ITGB3BP: variants seen among roughly 807,000 people sequenced by gnomAD.
ITGB3BP encodes the protein centromere protein R.
Under a neutral mutation model 29.1 loss-of-function variants are expected in ITGB3BP, and 27 were observed. The ratio of observed to expected loss-of-function variants is 0.93; its 90% CI spans 0.68 to 1.28. The LOEUF (loss-of-function observed/expected upper bound fraction) is 1.28, where lower values mean the gene tolerates loss of function less well. ITGB3BP is among the 50% of genes most tolerant of loss of function. ITGB3BP has a pLI of 0.00. For missense variants in ITGB3BP, 192 were observed against 200.2 expected (o/e 0.96, Z 0.25); for synonymous variants, 61 against 61.4 (o/e 0.99, Z 0.03).
chr1:63,512,403 A>AG (rs1029353827), intron 1 of ITGB3BP, among the ~76,000 whole-genome samples: 8 of 152,220 alleles, frequency 5.3e-5, no homozygotes, highest in South Asian at 4.1e-4. Flanking sequence ...AAATTATTCT[A>AG]GGAAAAAAAA....
intron 1 of ITGB3BP, among the ~76,000 whole-genome samples, chr1:63,511,606 TA>T (rs925751030): frequency 5.9e-5 from 9 of 151,920 alleles, no homozygotes; most frequent in Admixed American, 3.9e-4. Flanking sequence ...TATTCAGCTT[TA>T]AAAAAAAGAA....
At chr1:63,493,092 G>GCGCGCGCA (rs760115717) in intron 2 of ITGB3BP, among the ~76,000 whole-genome samples, 4 of 55,790 alleles carry the variant, frequency 7.2e-5, no homozygotes, top group East Asian at 1.4e-3. Flanking sequence ...ACACACACGC[G>GCGCGCGCA]CGCGCGCGCA....
chr1:63,440,862 T>A lies in ITGB3BP; in HGVS notation c.*243A>T, dbSNP rs1644720986. On this transcript the variant is annotated 3_prime_UTR_variant, in exon 9 of 9. Coordinates refer to ENST00000271002, the MANE Select transcript of ITGB3BP (RefSeq NM_014288.5). Reference sequence around the variant, plus strand: ...TACAGAATATAAGTCAAGATCTTCCTCTCCATGTTGGCTTACATTAAAGAG... The same window carrying A: ...TACAGAATATAAGTCAAGATCTTCCACTCCATGTTGGCTTACATTAAAGAG... 6.6e-6 allele frequency: 1 copy of A among 152,636 alleles called. No homozygotes were observed. Among genetic ancestry groups the A allele is most frequent in the South Asian group, 2.1e-4 (1 of 4,830 alleles). The allele number at this position is 152,636 out of a possible 1,614,324, so 9.5% of individuals were successfully genotyped here. A position where few individuals can be genotyped will look rare whatever the true frequency, so the allele number is the denominator to read the frequency against.
In ITGB3BP at chr1:63,496,105, T is replaced by TTC. The variant is rs560042676; in HGVS notation, c.49-5888_49-5887insGA. ...TCTGGGCCACTACAATTTTTTTTTTTTTTTTGAGACACAGTCTGGCTCTGT... is the reference window on the plus strand; with the variant it reads ...TCTGGGCCACTACAATTTTTTTTTTTTCTTTTTGAGACACAGTCTGGCTCTGT... On this transcript the variant is annotated intron_variant, in intron 2 of 8. Coordinates refer to ENST00000271002, the MANE Select transcript of ITGB3BP (RefSeq NM_014288.5). Among the ~76,000 whole-genome samples, 594 of 152,012 alleles carry TTC rather than the reference T, an allele frequency of 3.9e-3. 4 individuals are homozygous for TTC. The highest frequency in any genetic ancestry group is 0.013 in the African/African-American group (543 of 41,408).
chr1:63,526,081 T>C (rs1646584186), upstream of ITGB3BP, among the ~76,000 whole-genome samples: 1 of 152,186 alleles, frequency 6.6e-6, no homozygotes, highest in Non-Finnish European at 1.5e-5. Flanking sequence ...GCCTCTTAAG[T>C]CACTAGCCTG....
intron 2 of ITGB3BP, among the ~76,000 whole-genome samples, chr1:63,494,382 G>C (rs1391687788): frequency 6.6e-6 from 1 of 152,204 alleles, no homozygotes; most frequent in Non-Finnish European, 1.5e-5. Flanking sequence ...GCTTCCCAAA[G>C]TGCTGGGATT....
chr1:63,497,232 G>A (rs938177280), intron 2 of ITGB3BP, among the ~76,000 whole-genome samples: 4 of 152,088 alleles, frequency 2.6e-5, no homozygotes, highest in Non-Finnish European at 4.4e-5. Flanking sequence ...TTGAGTCGAG[G>A]AGTTCGAGGC....
chr1:63,476,216 T>C (rs1047148289), intron 4 of ITGB3BP, among the ~76,000 whole-genome samples: 1 of 151,670 alleles, frequency 6.6e-6, no homozygotes, highest in Non-Finnish European at 1.5e-5. Context: ...CAGGCTGTAG[T>C]ACAGTGGCAC....
At chr1:63,527,949 G>T (rs1471334578), upstream of ITGB3BP, 1 of 152,144 alleles carries the variant, frequency 6.6e-6, no homozygotes, top group Non-Finnish European at 1.5e-5. Flanking sequence ...CAAGGATGTG[G>T]AGAAAAGGGA....
At position 63,460,824 on chromosome 1, in the gene ITGB3BP, G is replaced by A. The variant is rs77996804; in HGVS notation, c.255-5856C>T. On this transcript the variant is annotated intron_variant, in intron 4 of 8. Coordinates refer to ENST00000271002, the MANE Select transcript of ITGB3BP (RefSeq NM_014288.5). ...ATTGTTTGTTTAAATAGACATCCTC[G>A]TAGATGTAAGGTTTAAGATGTAAGG... Among the ~76,000 whole-genome samples the A allele has an allele frequency of 6.3e-3, 954 of 152,124 alleles. 5 individuals carry two copies. Among genetic ancestry groups the A allele is most frequent in the African/African-American group, 0.022 (912 of 41,506 alleles).
chr1:63,523,240 G>A (rs1322552070), upstream of ITGB3BP: 7 of 1,478,276 alleles, frequency 4.7e-6, no homozygotes, highest in Non-Finnish European at 2.8e-6. Flanking sequence ...AGCGCGCGCT[G>A]GACGTTGCGT....
intron 2 of ITGB3BP, among the ~76,000 whole-genome samples, chr1:63,499,155 CGT>C (rs1491511976): frequency 3.9e-5 from 4 of 103,668 alleles, no homozygotes; most frequent in Non-Finnish European, 7.7e-5. Context: ...ATTCCACTAG[CGT>C]TTTTTTTTTT....
intron 4 of ITGB3BP, among the ~76,000 whole-genome samples, chr1:63,465,077 T>G (rs2100552837): frequency 6.6e-6 from 1 of 152,320 alleles, no homozygotes; most frequent in African/African-American, 2.4e-5. Context: ...TATATCAATG[T>G]TAAATTTCCT....
intron 2 of ITGB3BP, among the ~76,000 whole-genome samples, chr1:63,494,235 G>T (rs1239290022): frequency 6.6e-6 from 1 of 152,004 alleles, no homozygotes; most frequent in African/African-American, 2.4e-5. Flanking sequence ...TGCCTCCCGG[G>T]TTCAAGCGAA....
chr1:63,503,821 G>A (rs1456530545), intron 2 of ITGB3BP, among the ~76,000 whole-genome samples: 4 of 152,176 alleles, frequency 2.6e-5, no homozygotes, highest in African/African-American at 9.6e-5. Flanking sequence ...TCAGATGGTT[G>A]TAGATATGCA....
rs564196811 is a variant in ITGB3BP, at chr1:63,473,277, G to A, written c.254+5487C>T. On this transcript the variant is annotated intron_variant, in intron 4 of 8. Coordinates refer to ENST00000271002, the MANE Select transcript of ITGB3BP (RefSeq NM_014288.5). The stretch of plus-strand genomic sequence containing the variant: ...TGAGAAGTGAGGAGCCCCTCTGTCC[G>A]GCAGCCACCCCGTCTGGGAAGTGAG... 3.9e-3 allele frequency among the ~76,000 whole-genome samples: 580 copies of A among 150,502 alleles called. 4 individuals are homozygous for A. Among genetic ancestry groups the A allele is most frequent in the African/African-American group, 0.013 (527 of 40,954 alleles).
intron 1 of ITGB3BP, among the ~76,000 whole-genome samples, chr1:63,516,375 GAA>G (rs1646327407): frequency 8.5e-6 from 1 of 117,082 alleles, no homozygotes; most frequent in African/African-American, 3.0e-5. Context: ...AAGGGGGGGG[GAA>G]GGGAAAAGGA....
chr1:63,472,067 T>TA (rs1472126974), intron 4 of ITGB3BP, among the ~76,000 whole-genome samples: 1 of 151,724 alleles, frequency 6.6e-6, no homozygotes, highest in African/African-American at 2.4e-5. Context: ...TTTTTTTTTT[T>TA]TTTTAAATCT....
chr1:63,460,662 G>A (rs1557614447), intron 4 of ITGB3BP, among the ~76,000 whole-genome samples: 1 of 152,158 alleles, frequency 6.6e-6, no homozygotes, highest in Non-Finnish European at 1.5e-5. Context: ...ATACCTAGGA[G>A]TGAAATTGCT....
Sources: gnomAD v4.1 joint callset for allele counts (sites outside exome capture counted in the v4.1 genomes callset) on GRCh38, gnomAD v4.1.1 for gene constraint, MANE v1.5 for transcripts, NCBI Gene and HGNC (gene_info 2026-07-23, HGNC 2026-07-21) for gene names.